The following PEBP4 variants were observed in gnomAD, a reference collection of about 807,000 sequenced individuals.
PEBP4 encodes phosphatidylethanolamine binding protein 4.
A neutral mutation model predicts 23.9 loss-of-function variants in PEBP4; 22 were observed. That is an observed-to-expected ratio of 0.92 (90% CI 0.66 to 1.31). PEBP4 has a LOEUF of 1.31. Among genes scored for constraint, PEBP4 ranks in the 40% most tolerant of loss-of-function variants. The probability of loss-of-function intolerance (pLI) is 0.00; values close to 1 mark genes in which losing one functional copy is unlikely to be tolerated. For synonymous variants in PEBP4, 112 were observed against 99.3 expected, an observed-to-expected ratio of 1.13 and a Z score of -0.76; for missense variants, 324 against 281.7, an observed-to-expected ratio of 1.15 and a Z score of -1.07.
chr8:22,786,550 C>T (rs957478925), intron 4 of PEBP4, among the ~76,000 whole-genome samples: 1 of 152,034 alleles, frequency 6.6e-6, no homozygotes, highest in African/African-American at 2.4e-5. Context: ...TCCCAAAGTG[C>T]TGAGATTACA....
intron 3 of PEBP4, among the ~76,000 whole-genome samples, chr8:22,880,141 C>A (rs945469165): frequency 5.3e-5 from 8 of 152,058 alleles, no homozygotes; most frequent in African/African-American, 1.7e-4. Flanking sequence ...GGGCCAGGAC[C>A]CTGAAAGGAG....
intron 3 of PEBP4, among the ~76,000 whole-genome samples, chr8:22,837,976 G>A (rs1377704547): frequency 7.5e-6 from 1 of 133,164 alleles, no homozygotes; most frequent in Admixed American, 9.1e-5. Context: ...TCGGCTCACT[G>A]CAACCTCAAT....
intron 4 of PEBP4, among the ~76,000 whole-genome samples, chr8:22,731,801 GGTGCCTGCCATGGC>G (rs1804742667): frequency 6.6e-6 from 1 of 151,374 alleles, no homozygotes; most frequent in Non-Finnish European, 1.5e-5. Flanking sequence ...TGGGACTACA[GGTGCCTGCCATGGC>G]GCCCGGCTAA....
At chr8:22,726,147 C>A (rs1804620547) in intron 5 of PEBP4, among the ~76,000 whole-genome samples, 1 of 152,028 alleles carries the variant, frequency 6.6e-6, no homozygotes, top group South Asian at 2.1e-4. Flanking sequence ...GTGCAAACGC[C>A]CCGATGCTGT....
At chr8:22,848,017 C>T (rs1302123840) in intron 3 of PEBP4, among the ~76,000 whole-genome samples, 1 of 151,706 alleles carries the variant, frequency 6.6e-6, no homozygotes, top group Non-Finnish European at 1.5e-5. Context: ...TTTCTTTTGC[C>T]CCAGTGCTAA....
chr8:22,831,356 T>G (rs116035242), intron 3 of PEBP4, among the ~76,000 whole-genome samples: 1 of 152,190 alleles, frequency 6.6e-6, no homozygotes. Context: ...CCCTTGAAAG[T>G]GGGGATGGCA....
At chr8:22,792,469 C>T (rs1231276817) in intron 4 of PEBP4, among the ~76,000 whole-genome samples, 1 of 152,068 alleles carries the variant, frequency 6.6e-6, no homozygotes, top group African/African-American at 2.4e-5. Context: ...GGTCCGTGTC[C>T]TTGGTCATAT....
intron 4 of PEBP4, among the ~76,000 whole-genome samples, chr8:22,806,496 T>C (rs1806496402): frequency 6.6e-6 from 1 of 151,012 alleles, no homozygotes; most frequent in Non-Finnish European, 1.5e-5. Context: ...GTGCATGTAA[T>C]CCCAGCTACT....
chr8:22,820,351 A>C (rs1199771950), intron 3 of PEBP4, among the ~76,000 whole-genome samples: 1 of 152,206 alleles, frequency 6.6e-6, no homozygotes, highest in African/African-American at 2.4e-5. Context: ...GGTGTGGAAT[A>C]CGTGGTAGTT....
chr8:22,886,416 C>G (rs1808376902), intron 3 of PEBP4: 1 of 152,242 alleles, frequency 6.6e-6, no homozygotes, highest in East Asian at 1.9e-4. Flanking sequence ...TTCTTAAATT[C>G]CCCAAGTCTA....
chr8:22,860,895 C>T (rs1219376656), intron 3 of PEBP4, among the ~76,000 whole-genome samples: 1 of 152,232 alleles, frequency 6.6e-6, no homozygotes, highest in Admixed American at 6.5e-5. Flanking sequence ...CACTGTGCTG[C>T]CACGAGGTCT....
chr8:22,855,193 G>A (rs150560067), intron 3 of PEBP4, among the ~76,000 whole-genome samples: 97 of 152,254 alleles, frequency 6.4e-4, no homozygotes, highest in African/African-American at 2.2e-3. Context: ...CTCTCTCTGC[G>A]CTTCTCCCAC....
At chr8:22,773,774 G>A (rs972350046) in intron 4 of PEBP4, among the ~76,000 whole-genome samples, 1 of 152,170 alleles carries the variant, frequency 6.6e-6, no homozygotes, top group African/African-American at 2.4e-5. Context: ...CCTCAGCCGG[G>A]GGCTTTAGGA....
At chr8:22,860,324 T>C (rs1165299659) in intron 3 of PEBP4, among the ~76,000 whole-genome samples, 1 of 151,824 alleles carries the variant, frequency 6.6e-6, no homozygotes, top group Non-Finnish European at 1.5e-5. Flanking sequence ...GATATGCAAC[T>C]GATCTCCAGA....
intron 2 of PEBP4, among the ~76,000 whole-genome samples, chr8:22,924,095 G>A (rs1809271788): frequency 6.6e-6 from 1 of 152,230 alleles, no homozygotes; most frequent in Non-Finnish European, 1.5e-5. Context: ...AGGTATGGCA[G>A]TGCATGCCTG....
At chr8:22,849,439 G>C (rs1268010459) in intron 3 of PEBP4, among the ~76,000 whole-genome samples, 1 of 152,238 alleles carries the variant, frequency 6.6e-6, no homozygotes, top group Non-Finnish European at 1.5e-5. Flanking sequence ...CCTGAGGTCA[G>C]TTAGAGGGCA....
intron 4 of PEBP4, among the ~76,000 whole-genome samples, chr8:22,780,806 G>C (rs1585268709): frequency 1.3e-5 from 2 of 152,186 alleles, no homozygotes; most frequent in Non-Finnish European, 2.9e-5. Context: ...TTCTGTAAAA[G>C]GATGAGAAAG....
chr8:22,780,756 C>T (rs559383903), intron 4 of PEBP4, among the ~76,000 whole-genome samples: 228 of 152,314 alleles, frequency 1.5e-3, no homozygotes, highest in African/African-American at 5.1e-3. Context: ...TGGACTCCTC[C>T]GATCCTGAGG....
At chr8:22,727,028 A>C (rs989958613) in intron 5 of PEBP4, 147 bp downstream of exon 5, 3 of 812,444 alleles carry the variant, frequency 3.7e-6, no homozygotes, top group Non-Finnish European at 6.2e-6. Flanking sequence ...GTGACCATAA[A>C]AGGCAGTTGT....
Sources: gnomAD v4.1 joint callset for allele counts (sites outside exome capture counted in the v4.1 genomes callset) on GRCh38, gnomAD v4.1.1 for gene constraint, MANE v1.5 for transcripts, NCBI Gene and HGNC (gene_info 2026-07-23, HGNC 2026-07-21) for gene names.